The following AGMO variants were observed in gnomAD, a reference collection of about 807,000 sequenced individuals.
AGMO encodes alkylglycerol monooxygenase, also known as glyceryl-ether monooxygenase.
A neutral mutation model predicts 60.2 loss-of-function variants in AGMO; 75 were observed. The observed-to-expected ratio is 1.25, with a 90% CI of 1.03 to 1.51. The LOEUF (loss-of-function observed/expected upper bound fraction) is 1.51, where lower values mean the gene tolerates loss of function less well. Ranked by LOEUF, AGMO falls within the 40% of genes most tolerant of loss-of-function variation. The pLI is 0.00. For synonymous variants in AGMO, 261 were observed against 177.1 expected (o/e 1.47, Z -3.76); for missense variants, 763 against 525.5 (o/e 1.45, Z -4.42).
the AGMO span, among the ~76,000 whole-genome samples, chr7:15,188,827 C>G: frequency 2.0e-5 from 3 of 152,072 alleles, no homozygotes; most frequent in Non-Finnish European, 4.4e-5. Flanking sequence ...ATGAACTGAT[C>G]GTTGGAGTTA....
chr7:15,342,244 A>T (rs1038097368), intron 12 of AGMO, among the ~76,000 whole-genome samples: 1 of 150,670 alleles, frequency 6.6e-6, no homozygotes, highest in Non-Finnish European at 1.5e-5. Flanking sequence ...GGAAGAAAAG[A>T]AGTCTCTAGC....
downstream of AGMO, among the ~76,000 whole-genome samples, chr7:15,198,196 CGAGAGAGAGAGAGA>C (rs748392069): frequency 0.012 from 931 of 77,360 alleles, 17 homozygotes; most frequent in Middle Eastern, 0.088. Context: ...AGGGCTTTCC[CGAGAGAGAGAGAGA>C]GAGAGAGAGA....
At chr7:15,219,208 G>A (rs1781840900) in intron 12 of AGMO, among the ~76,000 whole-genome samples, 1 of 152,014 alleles carries the variant, frequency 6.6e-6, no homozygotes, top group African/African-American at 2.4e-5. Flanking sequence ...ACTCTTACGG[G>A]GTTTGAATTA....
At chr7:15,500,877 G>A (rs1247397753) in intron 3 of AGMO, among the ~76,000 whole-genome samples, 1 of 151,710 alleles carries the variant, frequency 6.6e-6, no homozygotes, top group Non-Finnish European at 1.5e-5. Flanking sequence ...CAGAGATTCT[G>A]GCATGTTGTA....
At chr7:15,478,450 C>A (rs1481529572) in intron 3 of AGMO, among the ~76,000 whole-genome samples, 1 of 152,124 alleles carries the variant, frequency 6.6e-6, no homozygotes, top group Non-Finnish European at 1.5e-5. Flanking sequence ...TTTCCAAACT[C>A]ACTGTGGGTC....
chr7:15,327,124 G>C (rs756081949), intron 12 of AGMO, among the ~76,000 whole-genome samples: 20 of 152,292 alleles, frequency 1.3e-4, no homozygotes, highest in Non-Finnish European at 2.2e-4. Context: ...CTGAGCTTAA[G>C]AGTAGGTCTA....
the AGMO span, among the ~76,000 whole-genome samples, chr7:15,120,773 T>C: frequency 1.3e-5 from 2 of 152,102 alleles, no homozygotes; most frequent in Admixed American, 6.6e-5. Context: ...CTTTTTTTTC[T>C]TTTTTTGAAG....
At chr7:15,209,657 C>T (rs1417678726) in intron 12 of AGMO, among the ~76,000 whole-genome samples, 7 of 152,092 alleles carry the variant, frequency 4.6e-5, no homozygotes, top group East Asian at 1.9e-4. Context: ...AATGGTTTCT[C>T]GCCTAAGTCT....
At chr7:15,395,678 A>G (rs1025828890) in intron 5 of AGMO, among the ~76,000 whole-genome samples, 3 of 152,182 alleles carry the variant, frequency 2.0e-5, no homozygotes, top group Admixed American at 6.5e-5. Flanking sequence ...GGATATATAA[A>G]TTTATTGTTA....
the AGMO span, among the ~76,000 whole-genome samples, chr7:15,154,534 G>A: frequency 6.6e-6 from 1 of 152,166 alleles, no homozygotes; most frequent in African/African-American, 2.4e-5. Context: ...ACAGCATTCA[G>A]TTGGGTCTTG....
chr7:15,378,348 TTAAAA>T (rs1783535537), intron 10 of AGMO, among the ~76,000 whole-genome samples: 1 of 152,062 alleles, frequency 6.6e-6, no homozygotes, highest in African/African-American at 2.4e-5. Flanking sequence ...CATTAAAGTT[TTAAAA>T]TAATGTTAAA....
intron 3 of AGMO, among the ~76,000 whole-genome samples, chr7:15,438,026 A>G (rs919658651): frequency 2.0e-5 from 3 of 152,120 alleles, no homozygotes; most frequent in African/African-American, 7.2e-5. Flanking sequence ...TTTAAGTTCT[A>G]GTATGCAGAA....
intron 10 of AGMO, among the ~76,000 whole-genome samples, chr7:15,378,244 T>C (rs545752671): frequency 5.3e-5 from 8 of 152,130 alleles, no homozygotes; most frequent in Non-Finnish European, 8.8e-5. Context: ...TACAAACTTA[T>C]CTATTGTTTA....
intron 12 of AGMO, among the ~76,000 whole-genome samples, chr7:15,250,974 A>C (rs566566993): frequency 6.6e-6 from 1 of 152,098 alleles, no homozygotes; most frequent in South Asian, 2.1e-4. Context: ...ATATACCTGA[A>C]TGTGTTAGCA....
chr7:15,560,773 A>G (rs1445712600), intron 1 of AGMO, among the ~76,000 whole-genome samples: 4 of 152,158 alleles, frequency 2.6e-5, no homozygotes, highest in African/African-American at 7.2e-5. Context: ...TGGTAATTTT[A>G]CATGTTTGCT....
At chr7:15,462,512 G>A (rs1034897862) in intron 3 of AGMO, among the ~76,000 whole-genome samples, 3 of 152,092 alleles carry the variant, frequency 2.0e-5, no homozygotes, top group African/African-American at 7.2e-5. Flanking sequence ...GAAATAAACT[G>A]TAAGCCTTCA....
chr7:15,492,054 G>A (rs1486046378), intron 3 of AGMO, among the ~76,000 whole-genome samples: 1 of 152,178 alleles, frequency 6.6e-6, no homozygotes, highest in East Asian at 1.9e-4. Context: ...CACCAACAGT[G>A]GTAGCATAGT....
At chr7:15,290,966 T>C (rs1317711669) in intron 12 of AGMO, among the ~76,000 whole-genome samples, 1 of 151,914 alleles carries the variant, frequency 6.6e-6, no homozygotes, top group Non-Finnish European at 1.5e-5. Flanking sequence ...GATAATAGAG[T>C]CTAGTCAGCC....
chr7:15,411,264 A>G (rs559837424), intron 5 of AGMO, among the ~76,000 whole-genome samples: 1 of 152,014 alleles, frequency 6.6e-6, no homozygotes, highest in Non-Finnish European at 1.5e-5. Flanking sequence ...AACTTCTATT[A>G]TTTATAAATT....
Sources: allele counts gnomAD v4.1 joint callset (sites outside exome capture counted in the v4.1 genomes callset), GRCh38; gene constraint gnomAD v4.1.1; transcripts MANE v1.5; gene names NCBI Gene and HGNC (gene_info 2026-07-23, HGNC 2026-07-21).